Variants in SLCO5A1 observed in about 807,000 individuals in gnomAD.
The protein encoded by SLCO5A1 is organic anion transporter polypeptide-related protein 4.
SLCO5A1 carries 39 observed loss-of-function variants against 65.1 expected under a neutral mutation model. The ratio of observed to expected loss-of-function variants is 0.60; its 90% CI spans 0.46 to 0.78. The LOEUF (loss-of-function observed/expected upper bound fraction) is 0.78, where lower values mean the gene tolerates loss of function less well. Ranked by LOEUF, SLCO5A1 falls within the 30% of genes least tolerant of loss-of-function variation. The pLI, the probability that SLCO5A1 is intolerant of heterozygous loss-of-function variation, is 0.00. For missense variants in SLCO5A1, 1,029 were observed against 1,069.4 expected (o/e 0.96, Z 0.53); for synonymous variants, 438 against 415.7 (o/e 1.05, Z -0.65).
At chr8:69,821,082 GA>G (rs1457612600) in intron 2 of SLCO5A1, among the ~76,000 whole-genome samples, 1 of 151,888 alleles carries the variant, frequency 6.6e-6, no homozygotes, top group African/African-American at 2.4e-5. Flanking sequence ...GCAGTTAATA[GA>G]CATATAATAG....
chr8:69,683,927 G>A (rs964947866), intron 6 of SLCO5A1, among the ~76,000 whole-genome samples: 6 of 152,244 alleles, frequency 3.9e-5, no homozygotes, highest in South Asian at 2.1e-4. Context: ...CCAATCATGC[G>A]TGTTAATTGG....
chr8:69,781,007 G>A (rs1231114032), intron 2 of SLCO5A1, among the ~76,000 whole-genome samples: 1 of 152,162 alleles, frequency 6.6e-6, no homozygotes, highest in East Asian at 1.9e-4. Flanking sequence ...GGATGGCAGG[G>A]AAATGTACAT....
intron 5 of SLCO5A1, among the ~76,000 whole-genome samples, chr8:69,718,580 T>C (rs145667085): frequency 2.6e-5 from 4 of 152,328 alleles, no homozygotes; most frequent in African/African-American, 9.6e-5. Flanking sequence ...ACTTAAATGG[T>C]AGTTGAGCTA....
rs115685475 is a variant in SLCO5A1, at chr8:69,697,650, T to A, written c.1622+7381A>T. Among the ~76,000 whole-genome samples, 846 of 152,104 alleles carry A rather than the reference T, an allele frequency of 5.6e-3. 9 individuals carry two copies. The highest frequency in any genetic ancestry group is 0.02 in the African/African-American group (810 of 41,512). On this transcript the variant is annotated intron_variant, in intron 6 of 9. Transcript: ENST00000260126. The stretch of plus-strand genomic sequence containing the variant: ...TAAGAAGGCTCCATCCATGACAAAA[T>A]CTGAGGGTAAATCATTCCTTAAGAA...
chr8:69,778,341 A>G (rs970564251), intron 2 of SLCO5A1, among the ~76,000 whole-genome samples: 12 of 152,122 alleles, frequency 7.9e-5, no homozygotes, highest in African/African-American at 2.9e-4. Context: ...TCAGGAATAA[A>G]AGGAAGGACC....
chr8:69,824,424 A>T (rs1450451370), intron 2 of SLCO5A1, among the ~76,000 whole-genome samples: 8 of 152,232 alleles, frequency 5.3e-5, no homozygotes, highest in Non-Finnish European at 1.0e-4. Context: ...AATAGATGCA[A>T]TAAAAAATGA....
At chr8:69,706,134 T>G (rs992151892) in intron 5 of SLCO5A1, among the ~76,000 whole-genome samples, 1 of 152,196 alleles carries the variant, frequency 6.6e-6, no homozygotes, top group Non-Finnish European at 1.5e-5. Flanking sequence ...CAACTTCGTA[T>G]GAAGAATTAT....
intron 2 of SLCO5A1, among the ~76,000 whole-genome samples, chr8:69,824,811 A>G (rs1037650665): frequency 3.9e-5 from 6 of 152,356 alleles, no homozygotes; most frequent in Non-Finnish European, 7.3e-5. Context: ...AAAGCCTGGC[A>G]GAGACACAAC....
At chr8:69,774,719 C>T (rs539673621) in intron 2 of SLCO5A1, among the ~76,000 whole-genome samples, 10 of 152,292 alleles carry the variant, frequency 6.6e-5, no homozygotes, top group African/African-American at 2.4e-4. Context: ...TATGCACATG[C>T]CTAAGTCCTC....
intron 2 of SLCO5A1, among the ~76,000 whole-genome samples, chr8:69,808,477 GT>G (rs1459089246): frequency 6.6e-6 from 1 of 152,084 alleles, no homozygotes; most frequent in Non-Finnish European, 1.5e-5. Context: ...CTCCATCCAC[GT>G]TCCTGCAAAG....
chr8:69,737,291 A>G (rs1816602676), intron 5 of SLCO5A1, among the ~76,000 whole-genome samples: 1 of 152,208 alleles, frequency 6.6e-6, no homozygotes. Flanking sequence ...ATAATTCTAC[A>G]CTATTTAAAT....
Position 69,681,482 on chromosome 8 carries a change from A to G in SLCO5A1, c.1782+702T>C, listed in dbSNP as rs188467875. Among the ~76,000 whole-genome samples the G allele has an allele frequency of 1.2e-3, 180 of 152,212 alleles. 2 individuals are homozygous for G. Among genetic ancestry groups the G allele is most frequent in the Non-Finnish European group, 2.1e-4 (14 of 68,010 alleles). On this transcript the variant is annotated intron_variant, in intron 7 of 9. Coordinates refer to ENST00000260126, the MANE Select transcript of SLCO5A1 (RefSeq NM_030958.3). ...GTGGCACATGCCTATAATCCCAACT[A>G]CTAGGGAGGCTGAGGCAGGAGAATC...
intron 2 of SLCO5A1, among the ~76,000 whole-genome samples, chr8:69,778,840 G>GA (rs1377633247): frequency 6.6e-6 from 1 of 152,124 alleles, no homozygotes; most frequent in African/African-American, 2.4e-5. Context: ...AATCTCTGAA[G>GA]AATGTATGTA....
rs148422371 is a variant in SLCO5A1, at chr8:69,787,971, C to T, written c.908-26096G>A. ...TAAACCCCTCTCCCAAATCATGAAT[C>T]AAACCCAATATTGTTATTAGCCCAT... On this transcript the variant is annotated intron_variant, in intron 2 of 9. Coordinates refer to ENST00000260126, the MANE Select transcript of SLCO5A1 (RefSeq NM_030958.3). Among the ~76,000 whole-genome samples, 290 of 152,314 alleles carry T rather than the reference C, an allele frequency of 1.9e-3. 1 individual carries two copies. Among genetic ancestry groups the T allele is most frequent in the Admixed American group, 8.0e-3 (123 of 15,296 alleles).
At chr8:69,804,155 G>C (rs1819882082) in intron 2 of SLCO5A1, among the ~76,000 whole-genome samples, 1 of 152,144 alleles carries the variant, frequency 6.6e-6, no homozygotes, top group Non-Finnish European at 1.5e-5. Flanking sequence ...AGATATATGT[G>C]AGTTTTTCAC....
At chr8:69,772,650 AAAGG>A in intron 2 of SLCO5A1, among the ~76,000 whole-genome samples, 1 of 150,976 alleles carries the variant, frequency 6.6e-6, no homozygotes, top group Non-Finnish European at 1.5e-5. Context: ...AAAGGAAAGG[AAAGG>A]AAAAGAAATG....
At chr8:69,780,668 G>A (rs947112836) in intron 2 of SLCO5A1, among the ~76,000 whole-genome samples, 1 of 152,152 alleles carries the variant, frequency 6.6e-6, no homozygotes, top group African/African-American at 2.4e-5. Context: ...GTGGATGGTG[G>A]ATGATGAGCG....
intron 2 of SLCO5A1, among the ~76,000 whole-genome samples, chr8:69,800,056 C>T (rs62533303): frequency 0.31 from 47,669 of 151,744 alleles, 8,580 homozygotes; most frequent in Admixed American, 0.43. Flanking sequence ...CTGAAAGATC[C>T]ACCAAATTGA....
chr8:69,765,401 T>TATATATATATATACACACACACACACAC (rs918909833), intron 2 of SLCO5A1, among the ~76,000 whole-genome samples: 5 of 149,636 alleles, frequency 3.3e-5, no homozygotes, highest in African/African-American at 1.2e-4. Context: ...TATATATATA[T>TATATATATATATACACACACACACACAC]ACACACACAC....
Sources: allele counts gnomAD v4.1 joint callset (sites outside exome capture counted in the v4.1 genomes callset), GRCh38; gene constraint gnomAD v4.1.1; transcripts MANE v1.5; gene names NCBI Gene and HGNC (gene_info 2026-07-23, HGNC 2026-07-21).